The following ZNF681 variants were observed in gnomAD, a reference collection of about 807,000 sequenced individuals.
ZNF681 encodes the protein hypothetical protein FLJ31526.
A neutral mutation model predicts 56.0 loss-of-function variants in ZNF681; 37 were observed. That is an observed-to-expected ratio of 0.66 (90% CI 0.51 to 0.87). The LOEUF is 0.87. Ranked by LOEUF, ZNF681 falls within the 40% of genes least tolerant of loss-of-function variation. ZNF681 has a pLI of 0.00. For missense variants in ZNF681, 741 were observed against 744.9 expected (o/e 0.99, Z 0.06); for synonymous variants, 225 against 248.6 (o/e 0.91, Z 0.89).
rs1468564713 is a variant in ZNF681 at position 23,743,521 on chromosome 19, T to G, written c.*91A>C. The G allele has an allele frequency of 1.6e-6, 2 of 1,253,580 alleles. No homozygotes were observed. Among genetic ancestry groups the G allele is most frequent in the Non-Finnish European group, 2.1e-6 (2 of 947,098 alleles). 77.7% of individuals were successfully genotyped at this position (1,253,580 alleles called of 1,614,324 possible). On this transcript the variant is annotated 3_prime_UTR_variant, in exon 4 of 4. Coordinates refer to ENST00000402377, the MANE Select transcript of ZNF681 (RefSeq NM_138286.3). Reference sequence around the variant, plus strand: ...ATTGGTTAAAAGTTTTGCCACATTCTTCACACTTGTAGGTTTTTTTTTAGT... The same window carrying G: ...ATTGGTTAAAAGTTTTGCCACATTCGTCACACTTGTAGGTTTTTTTTTAGT...
chr19:23,741,805 A>C lies in ZNF681; in HGVS notation c.*1807T>G, dbSNP rs894818525. Reference sequence around the variant, plus strand: ...CAGGTAATGAATATTTCATTTACCCATATGTAATTATTACATATTATATAC... The same window carrying C: ...CAGGTAATGAATATTTCATTTACCCCTATGTAATTATTACATATTATATAC... On this transcript the variant is annotated 3_prime_UTR_variant, in exon 4 of 4. Coordinates refer to ENST00000402377, the MANE Select transcript of ZNF681 (RefSeq NM_138286.3). 1 of 152,188 alleles carries C rather than the reference A, an allele frequency of 6.6e-6. No individual in the cohort carries two copies. The highest frequency in any genetic ancestry group is 1.5e-5 in the Non-Finnish European group (1 of 68,036). The allele number at this position is 152,188 out of a possible 1,614,324, so 9.4% of individuals were successfully genotyped here. A position where few individuals can be genotyped will look rare whatever the true frequency, so the allele number is the denominator to read the frequency against.
Position 23,754,806 on chromosome 19 carries a change from C to T in ZNF681, c.226+17G>A. On this transcript the variant is annotated intron_variant, in intron 3 of 3. Coordinates refer to ENST00000402377, the MANE Select transcript of ZNF681 (RefSeq NM_138286.3). Reference sequence around the variant, plus strand: ...TCATCTATGTTATCTGTTGTATTCACTTTCACTCTCACCTACCTGGGGGTT... The same window carrying T: ...TCATCTATGTTATCTGTTGTATTCATTTTCACTCTCACCTACCTGGGGGTT... The T allele has an allele frequency of 6.2e-7, 1 of 1,604,394 alleles. No individual in the cohort carries two copies. Among genetic ancestry groups the T allele is most frequent in the African/African-American group, 1.3e-5 (1 of 74,808 alleles).
chr19:23,755,980 G>C (rs1370862175), intron 1 of ZNF681, among the ~76,000 whole-genome samples: 1 of 152,094 alleles, frequency 6.6e-6, no homozygotes. Flanking sequence ...ATTTGACCCA[G>C]TGATACCATT....
At chr19:23,752,289 CCTTT>C (rs1444065957) in intron 3 of ZNF681, among the ~76,000 whole-genome samples, 1 of 152,118 alleles carries the variant, frequency 6.6e-6, no homozygotes, top group Admixed American at 6.6e-5. Flanking sequence ...GGTCACATAC[CCTTT>C]CAGAGGCCTT....
Position 23,740,473 on chromosome 19 carries a change from A to C in ZNF681, c.*3139T>G, listed in dbSNP as rs1362159170. 6.6e-6 allele frequency: 1 copy of C among 152,204 alleles called. No individual in the cohort carries two copies. The highest frequency in any genetic ancestry group is 1.5e-5 in the Non-Finnish European group (1 of 68,032). 9.4% of individuals were successfully genotyped at this position (152,204 alleles called of 1,614,324 possible). A position where few individuals can be genotyped will look rare whatever the true frequency, so the allele number is the denominator to read the frequency against. On this transcript the variant is annotated 3_prime_UTR_variant, in exon 4 of 4. Coordinates refer to ENST00000402377, the MANE Select transcript of ZNF681 (RefSeq NM_138286.3). Reference sequence around the variant, plus strand: ...TGAAAATAAATGTCCTCTCCACATAAAAAATCAATGTTATTTCTCACAATT... The same window carrying C: ...TGAAAATAAATGTCCTCTCCACATACAAAATCAATGTTATTTCTCACAATT...
In ZNF681 at chr19:23,743,742, G is replaced by T. The variant is rs1275979745; in HGVS notation, c.1808C>A (p.Ser603Ter). 1.2e-6 allele frequency: 2 copies of T among 1,613,592 alleles called. No homozygotes were observed. Among genetic ancestry groups the T allele is most frequent in the African/African-American group, 2.7e-5 (2 of 74,926 alleles). The stretch of plus-strand genomic sequence containing the variant: ...AATTTTCTTATGTCCAGTAAGGTTT[G>T]AGGACTGGTTAAAAGCTTTGCCACA... ...EKCGKAFNQS[S>*]NLTGHKKIHT... The change falls in exon 4 of 4, where the codon TCA (serine) becomes TAA (stop). Residue 603 changes from serine to a stop codon, truncating the protein, a stop_gained. Transcript: ENST00000402377. LOFTEE classifies it high-confidence loss of function.
In ZNF681 at chr19:23,756,321, T is replaced by TCCCC. The variant is rs56016834; in HGVS notation, c.4-774_4-771dup. ...GCCTGGGCGACAGAGCGACACTCTG[T>TCCCC]CCCCCCCCAAAAAAAGACACATATG... On this transcript the variant is annotated intron_variant, in intron 1 of 3. Coordinates refer to ENST00000402377, the MANE Select transcript of ZNF681 (RefSeq NM_138286.3). 3.4e-5 allele frequency among the ~76,000 whole-genome samples: 5 copies of TCCCC among 148,336 alleles called. No individual in the cohort carries two copies. The Admixed American group carries it at 3.4e-4, about 10-fold the overall frequency.
chr19:23,744,654 G>A lies in ZNF681; in HGVS notation c.896C>T (p.Thr299Ile), dbSNP rs1568309661. ...KAFNQSLTLT[T>I]HKIIHTREKL... ...CTCTCTGGTATGAATTATCTTATGT[G>A]TAGTAAGGGTTAAGGACTGATTAAA... is the stretch of plus-strand genomic sequence containing the variant. Residue 299 changes from threonine to isoleucine, a missense_variant, in exon 4 of 4, where the codon ACA becomes ATA. Coordinates refer to ENST00000402377, the MANE Select transcript of ZNF681 (RefSeq NM_138286.3). 2 of 1,596,346 alleles carry A rather than the reference G, an allele frequency of 1.3e-6. No homozygotes were observed. The highest frequency in any genetic ancestry group is 1.7e-6 in the Non-Finnish European group (2 of 1,167,586).
At chr19:23,754,399 C>T (rs11670778) in intron 3 of ZNF681, among the ~76,000 whole-genome samples, 7,739 of 152,236 alleles carry the variant, frequency 0.051, 324 homozygotes, top group South Asian at 0.079. Flanking sequence ...TGGCGTGGCT[C>T]ATGCCTGTAA....
At chr19:23,751,829 G>C (rs1969036451) in intron 3 of ZNF681, among the ~76,000 whole-genome samples, 1 of 152,100 alleles carries the variant, frequency 6.6e-6, no homozygotes, top group Non-Finnish European at 1.5e-5. Flanking sequence ...GGGACTACAG[G>C]CGCCTGCCAC....
In ZNF681 at chr19:23,744,897, C is replaced by T. The variant is rs772857367; in HGVS notation, c.653G>A (p.Arg218Lys). ...GTACGATTTCTCTCCAATATGAATT[C>T]TTTTATGTTTAGTAAAGATTGAGGA... is the stretch of plus-strand genomic sequence containing the variant. ...NGSSIFTKHKRIHIGEKSYIC... is the reference protein window; with the variant it reads ...NGSSIFTKHKKIHIGEKSYIC... Residue 218 changes from arginine (R) to lysine (K), a missense_variant, in exon 4 of 4, where the codon AGA (arginine) becomes AAA (lysine). By Grantham distance (26) the Arg-to-Lys change is conservative (BLOSUM62 2). Coordinates refer to ENST00000402377, the MANE Select transcript of ZNF681 (RefSeq NM_138286.3). 6.2e-7 allele frequency: 1 copy of T among 1,609,246 alleles called. No homozygotes were observed. The highest frequency in any genetic ancestry group is 1.1e-5 in the South Asian group (1 of 90,448).
In ZNF681 at chr19:23,752,092, GGAGGGA is replaced by G. The variant is rs1275149418; in HGVS notation, c.226+2725_226+2730del. Among the ~76,000 whole-genome samples, 14 of 152,294 alleles carry G rather than the reference GGAGGGA, an allele frequency of 9.2e-5. 1 individual carries two copies. Among genetic ancestry groups the G allele is most frequent in the African/African-American group, 2.9e-4 (12 of 41,564 alleles). ...CCTTTAGGAGAGCTTTGAGATCCAGGGAGGGAGTTGTGAAACTGCTAATGCCCAATT... is the reference window on the plus strand; with the variant it reads ...CCTTTAGGAGAGCTTTGAGATCCAGGGTTGTGAAACTGCTAATGCCCAATT... On this transcript the variant is annotated intron_variant, in intron 3 of 3. Coordinates refer to ENST00000402377, the MANE Select transcript of ZNF681 (RefSeq NM_138286.3).
chr19:23,750,299 A>AAC lies in ZNF681; in HGVS notation c.226+4523_226+4524insGT, dbSNP rs1568311324. 1.1e-4 allele frequency among the ~76,000 whole-genome samples: 14 copies of AAC among 129,626 alleles called. 4 individuals carry two copies. The highest frequency in any genetic ancestry group is 8.5e-3 in the Middle Eastern group (2 of 236). The allele number at this position is 129,626 out of a possible 152,430, so 85.0% of individuals were successfully genotyped here. A position where few individuals can be genotyped will look rare whatever the true frequency, so the allele number is the denominator to read the frequency against. ...ACTCCAACTCAAAAAAAAAAAAAAA[A>AAC]AAAACCAAAAAACAACTAAGAAAGA... On this transcript the variant is annotated intron_variant, in intron 3 of 3. Transcript: ENST00000402377.
rs1182885919 is a variant in ZNF681, at chr19:23,743,951, G to T, written c.1599C>A (p.Pro533=). The T allele has an allele frequency of 3.7e-6, 6 of 1,612,708 alleles. No homozygotes were observed. The highest frequency in any genetic ancestry group is 5.1e-6 in the Non-Finnish European group (6 of 1,179,808). The change falls in exon 4 of 4, where the codon CCC becomes CCA. Residue 533 remains proline (P), a synonymous_variant. Coordinates refer to ENST00000402377, the MANE Select transcript of ZNF681 (RefSeq NM_138286.3). ...CTTTGCCACATTCTTCACATGTGTA[G>T]GGTTTCTCTCCAGTATGAATTTTCT... The part of the protein sequence containing the change: ...EHKKIHTGEK[P]YTCEECGKAF...
Position 23,758,879 on chromosome 19 carries a change from T to C in ZNF681, c.-130A>G. The stretch of plus-strand genomic sequence containing the variant: ...TGAAGACGAGACCCGGAGCTCGGGC[T>C]GAAGGGAGAGACAAAGGCCCCGCCA... On this transcript the variant is annotated 5_prime_UTR_variant, in exon 1 of 4. Coordinates refer to ENST00000402377, the MANE Select transcript of ZNF681 (RefSeq NM_138286.3). 7.6e-7 allele frequency: 1 copy of C among 1,324,272 alleles called. No individual in the cohort carries two copies. Among genetic ancestry groups the C allele is most frequent in the South Asian group, 1.3e-5 (1 of 75,428 alleles). 82.0% of individuals were successfully genotyped at this position (1,324,272 alleles called of 1,614,324 possible).
rs763946445 is a variant in ZNF681, at chr19:23,742,762, G to A, written c.*850C>T. 2.6e-5 allele frequency: 4 copies of A among 152,064 alleles called. No individual in the cohort carries two copies. Among genetic ancestry groups the A allele is most frequent in the African/African-American group, 9.7e-5 (4 of 41,402 alleles). 9.4% of individuals were successfully genotyped at this position (152,064 alleles called of 1,614,324 possible). On this transcript the variant is annotated 3_prime_UTR_variant, in exon 4 of 4. Transcript: ENST00000402377. ...ACAATTAAGTCACATGCTTTCACATGTGAATACAATAGGAATGAAGAGCAT... is the reference window on the plus strand; with the variant it reads ...ACAATTAAGTCACATGCTTTCACATATGAATACAATAGGAATGAAGAGCAT...
chr19:23,746,342 G>A (rs11085620), intron 3 of ZNF681, among the ~76,000 whole-genome samples: 148,644 of 151,890 alleles, frequency 0.98, 72,824 homozygotes, highest in Middle Eastern at 1. Flanking sequence ...AGAAAAAGGA[G>A]AAAGTTTATT....
rs1411362256 is a variant in ZNF681, at chr19:23,751,336, C to T, written c.226+3487G>A. Among the ~76,000 whole-genome samples, 6 of 151,390 alleles carry T rather than the reference C, an allele frequency of 4.0e-5. No homozygotes were observed. In the East Asian group the frequency reaches 1.2e-3, roughly 29 times the overall value. On this transcript the variant is annotated intron_variant, in intron 3 of 3. Coordinates refer to ENST00000402377, the MANE Select transcript of ZNF681 (RefSeq NM_138286.3). ...TACTAAAAATACAAAATTAGCTGGG[C>T]GTTTTGGCACATGGCTGTAATCCCA...
In ZNF681 at chr19:23,744,619, C is replaced by A. The variant is rs781470030; in HGVS notation, c.931G>T (p.Glu311Ter). Residue 311 changes from glutamate to a stop codon, truncating the protein, a stop_gained, in exon 4 of 4, where the codon GAA becomes TAA. Transcript: ENST00000402377. LOFTEE classifies it high-confidence loss of function. ...AAAGCTTTGCCACATTCCTTATATT[C>A]ATTGAGTTTCTCTCTGGTATGAATT... Reference protein sequence around the residue: ...KIIHTREKLNEYKECGKAFNQ... With the variant: ...KIIHTREKLN 1 of 1,613,046 alleles carries A rather than the reference C, an allele frequency of 6.2e-7. No individual in the cohort carries two copies. The highest frequency in any genetic ancestry group is 1.1e-5 in the South Asian group (1 of 91,014).
Sources: gnomAD v4.1 joint callset for allele counts (sites outside exome capture counted in the v4.1 genomes callset) on GRCh38, gnomAD v4.1.1 for gene constraint, MANE v1.5 for transcripts, NCBI Gene and HGNC (gene_info 2026-07-23, HGNC 2026-07-21) for gene names.